IDUA: variants seen among roughly 807,000 people sequenced by gnomAD.
IDUA encodes the protein iduronidase alpha-L-.
In IDUA, 65 loss-of-function variants were observed where a neutral mutation model predicts 68.9. The observed-to-expected ratio is 0.94, with a 90% CI of 0.77 to 1.16. The LOEUF (loss-of-function observed/expected upper bound fraction) is 1.16. Among genes scored for constraint, IDUA ranks in the 50% most tolerant of loss-of-function variants. The pLI, the probability that IDUA is intolerant of heterozygous loss-of-function variation, is 0.00. For synonymous variants in IDUA, 529 were observed against 433.6 expected (o/e 1.22, Z -2.73); for missense variants, 1,046 against 938.0 (o/e 1.12, Z -1.50).
chr4:995,426 G>C (rs1246860212), intron 2 of IDUA, among the ~76,000 whole-genome samples: 1 of 152,154 alleles, frequency 6.6e-6, no homozygotes, highest in African/African-American at 2.4e-5. Context: ...GTGGGAGCCT[G>C]CACGGGGCAC....
At chr4:993,166 G>A (rs1231880473) in intron 2 of IDUA, 2 of 152,256 alleles carry the variant, frequency 1.3e-5, no homozygotes, top group East Asian at 3.8e-4. Context: ...CCAGGTGTGT[G>A]GAATGGGGAC....
Position 1,003,626 on chromosome 4 carries a change from G to C in IDUA, c.1727+1G>C. 6.2e-7 allele frequency: 1 copy of C among 1,612,350 alleles called. No individual in the cohort carries two copies. The highest frequency in any genetic ancestry group is 2.2e-5 in the East Asian group (1 of 44,848). On this transcript the variant is annotated splice_donor_variant, in intron 12 of 13. Transcript: ENST00000514224. LOFTEE classifies it high-confidence loss of function. ...GGTCGGATGAACACGTGGGCTCCAA[G>C]TGCGTGAGTGGGGCCGCCCCTCCCT... is the stretch of plus-strand genomic sequence containing the variant.
intron 2 of IDUA, chr4:989,717 T>C: frequency 6.4e-7 from 1 of 1,558,782 alleles, no homozygotes; most frequent in African/African-American, 1.4e-5. Context: ...CGGCAGCCAG[T>C]GGCTGTCTTC....
At chr4:992,539 GGAGGGT>G in intron 2 of IDUA, among the ~76,000 whole-genome samples, 1 of 152,252 alleles carries the variant, frequency 6.6e-6, no homozygotes, top group Non-Finnish European at 1.5e-5. Context: ...TGGGAGGGGA[GGAGGGT>G]GACTGGCGTC....
intron 2 of IDUA, among the ~76,000 whole-genome samples, chr4:993,824 G>A (rs1173074456): frequency 6.6e-6 from 1 of 152,234 alleles, no homozygotes; most frequent in Admixed American, 6.5e-5. Flanking sequence ...GCTGGAGCAG[G>A]GCAGAGGCTG....
chr4:990,650 A>G, intron 2 of IDUA: 1 of 475,778 alleles, frequency 2.1e-6, no homozygotes, highest in Non-Finnish European at 3.7e-6. Flanking sequence ...TTATTTCAGA[A>G]TTAAGACCTC....
chr4:1,003,063 A>T lies in IDUA; in HGVS notation c.1430A>T (p.Asp477Val). Residue 477 changes from aspartate to valine, a missense_variant, in exon 10 of 14, where the codon GAC (aspartate) becomes GTC (valine). Physicochemically the swap from Asp to Val is radical, Grantham distance 152. Coordinates refer to ENST00000514224, the MANE Select transcript of IDUA (RefSeq NM_000203.5). ...PGLVYVTRYL[D>V]NGLCSPDGEW... ...CTGGTCTACGTCACGCGCTACCTGG[A>T]CAACGGGCTCTGCAGCCCCGACGGC... 1 of 1,519,746 alleles carries T rather than the reference A, an allele frequency of 6.6e-7. No individual in the cohort carries two copies. 94.1% of individuals were successfully genotyped at this position (1,519,746 alleles called of 1,614,324 possible).
intron 2 of IDUA, chr4:990,862 C>T (rs1714235050): frequency 2.0e-6 from 1 of 490,732 alleles, no homozygotes; most frequent in Non-Finnish European, 3.6e-6. Flanking sequence ...GAGCCACAGC[C>T]ACACCTGGCC....
intron 2 of IDUA, chr4:989,646 T>TGCCAGC: frequency 6.3e-7 from 1 of 1,592,862 alleles, no homozygotes; most frequent in South Asian, 1.1e-5. Flanking sequence ...GGAACAGCGG[T>TGCCAGC]GCCAGCGCCA....
intron 8 of IDUA, 52 bp from the exon 9 acceptor site, chr4:1,002,680 G>GA: frequency 7.6e-7 from 1 of 1,324,030 alleles, no homozygotes; most frequent in Non-Finnish European, 1.0e-6. Flanking sequence ...CCTGGGTCGG[G>GA]GGGCGGCTGG....
intron 2 of IDUA, chr4:988,784 CT>C: frequency 6.8e-7 from 1 of 1,480,628 alleles, no homozygotes; most frequent in Non-Finnish European, 9.0e-7. Flanking sequence ...CAGACGTCTG[CT>C]GTGGGTCCCC....
At chr4:1,001,077 C>T (rs1329582862) in intron 4 of IDUA, 88 bp downstream of exon 4, 8 of 905,468 alleles carry the variant, frequency 8.8e-6, no homozygotes, top group Non-Finnish European at 1.4e-5. Context: ...GCTGCCTGGT[C>T]AGGAGATACA....
intron 2 of IDUA, chr4:988,968 C>G (rs765432675): frequency 1.3e-6 from 2 of 1,596,598 alleles, no homozygotes; most frequent in African/African-American, 1.3e-5. Flanking sequence ...CTCCTCTGCT[C>G]AGAATGTCTC....
chr4:1,000,912 A>G lies in IDUA; in HGVS notation c.416A>G (p.His139Arg). ...GAGCTGATGGGCAGCGCCTCGGGCC[A>G]CTTCACTGACTTTGAGGACAAGCAG... is the stretch of plus-strand genomic sequence containing the variant. ...GFELMGSASG[H>R]FTDFEDKQQV... The change falls in exon 4 of 14, where the codon CAC (histidine) becomes CGC (arginine). Residue 139 changes from histidine to arginine, a missense_variant. Coordinates refer to ENST00000514224, the MANE Select transcript of IDUA (RefSeq NM_000203.5). 6.2e-7 allele frequency: 1 copy of G among 1,613,458 alleles called. No individual in the cohort carries two copies. The highest frequency in any genetic ancestry group is 1.1e-5 in the South Asian group (1 of 91,090).
rs117668849 is a variant in IDUA, at chr4:996,586, C to T, written c.300-4026C>T. 1.7e-4 allele frequency among the ~76,000 whole-genome samples: 26 copies of T among 152,286 alleles called. 1 individual carries two copies. The East Asian group carries it at 3.5e-3, about 20-fold the overall frequency. ...AGCGTAGTTCAGGAACAGCCTCAGC[C>T]GCACTGCAGGGGCCTGGCCTCAGGT... is the stretch of plus-strand genomic sequence containing the variant. On this transcript the variant is annotated intron_variant, in intron 2 of 13. Coordinates refer to ENST00000514224, the MANE Select transcript of IDUA (RefSeq NM_000203.5).
rs965211778 is a variant in IDUA, at chr4:991,579, C to G, written c.299+3630C>G. On this transcript the variant is annotated intron_variant, in intron 2 of 13. Transcript: ENST00000514224. ...CACCAGCGCCCGGACGCACAGCACACTGCACGAGCAGCTGCACCACAGCCT... is the reference window on the plus strand; with the variant it reads ...CACCAGCGCCCGGACGCACAGCACAGTGCACGAGCAGCTGCACCACAGCCT... 6.3e-5 allele frequency: 101 copies of G among 1,600,774 alleles called. No individual in the cohort carries two copies. The highest frequency in any genetic ancestry group is 8.4e-5 in the Non-Finnish European group (99 of 1,177,436).
chr4:991,691 G>A (rs1430451452), intron 2 of IDUA: 1 of 1,533,618 alleles, frequency 6.5e-7, no homozygotes, highest in East Asian at 2.3e-5. Flanking sequence ...AGAGGCTCAG[G>A]GGACTCGTCC....
intron 12 of IDUA, 44 bp downstream of exon 12, chr4:1,003,669 G>T: frequency 6.2e-7 from 1 of 1,601,712 alleles, no homozygotes. Context: ...GTCCTAGGCA[G>T]GTCCCTGGGT....
intron 1 of IDUA, chr4:987,528 C>A: frequency 2.0e-6 from 2 of 984,932 alleles, no homozygotes. Context: ...CGGGACCTGG[C>A]CTGCCTGTCC....
Sources: gnomAD v4.1 joint callset for allele counts (sites outside exome capture counted in the v4.1 genomes callset) on GRCh38, gnomAD v4.1.1 for gene constraint, MANE v1.5 for transcripts, NCBI Gene and HGNC (gene_info 2026-07-23, HGNC 2026-07-21) for gene names.